Variants in USP35 observed in about 807,000 individuals in gnomAD.
USP35 encodes ubiquitin carboxyl-terminal hydrolase 35.
In USP35, 69 loss-of-function variants were observed where a neutral mutation model predicts 83.8. That is an observed-to-expected ratio of 0.82 (90% CI 0.68 to 1.01). USP35 has a LOEUF of 1.01. USP35 is among the 50% of genes least tolerant of loss of function. The probability of loss-of-function intolerance (pLI) is 0.00; values close to 1 mark genes in which losing one functional copy is unlikely to be tolerated. For synonymous variants in USP35, 714 were observed against 589.5 expected (o/e 1.21, Z -3.06); for missense variants, 1,503 against 1,362.5 (o/e 1.10, Z -1.62).
intron 1 of USP35, among the ~76,000 whole-genome samples, chr11:78,189,746 G>C: frequency 6.6e-6 from 1 of 152,188 alleles, no homozygotes; most frequent in Admixed American, 6.5e-5. Flanking sequence ...AGGAATAGCT[G>C]CTCCTGCTTT....
At chr11:78,228,688 A>G in the USP35 span, among the ~76,000 whole-genome samples, 1 of 152,138 alleles carries the variant, frequency 6.6e-6, no homozygotes, top group South Asian at 2.1e-4. Flanking sequence ...TCAGTCTCCA[A>G]ACCTTCACTG....
the USP35 span, among the ~76,000 whole-genome samples, chr11:78,232,155 G>C: frequency 3.0e-4 from 45 of 152,234 alleles, no homozygotes; most frequent in Non-Finnish European, 5.0e-4. Flanking sequence ...TCTGGTGAAT[G>C]AGTCAGGGAA....
chr11:78,208,805 C>T lies in USP35; in HGVS notation c.1486-52C>T, dbSNP rs1367332564. ...TCAGGCCTAACCTGTGCAGAGCTGGCTGGTGAGTGGCCTCCTGCTCCTGAC... is the reference window on the plus strand; with the variant it reads ...TCAGGCCTAACCTGTGCAGAGCTGGTTGGTGAGTGGCCTCCTGCTCCTGAC... On this transcript the variant is annotated intron_variant, in intron 8 of 10. Transcript: ENST00000529308. The T allele has an allele frequency of 1.2e-5, 19 of 1,593,986 alleles. No homozygotes were observed. The Admixed American group carries it at 2.5e-4, about 21-fold the overall frequency.
chr11:78,210,125 G>A lies in USP35; in HGVS notation c.2270G>A (p.Gly757Asp), dbSNP rs141053427. The change falls in exon 10 of 11, where the codon GGC (glycine) becomes GAC (aspartate). Residue 757 changes from glycine (G) to aspartate (D), a missense_variant. Coordinates refer to ENST00000529308, the MANE Select transcript of USP35 (RefSeq NM_020798.4). ...PSGERTCGSEGSRSVLDLVNY... is the reference protein window; with the variant it reads ...PSGERTCGSEDSRSVLDLVNY... Reference sequence around the variant, plus strand: ...GGGGAGCGGACATGTGGCTCTGAGGGCTCCCGCTCCGTCCTGGACCTGGTT... The same window carrying A: ...GGGGAGCGGACATGTGGCTCTGAGGACTCCCGCTCCGTCCTGGACCTGGTT... 6.8e-6 allele frequency: 11 copies of A among 1,613,586 alleles called. No homozygotes were observed. The highest frequency in any genetic ancestry group is 8.5e-6 in the Non-Finnish European group (10 of 1,179,756).
chr11:78,225,128 C>T, the USP35 span: 5 of 1,612,288 alleles, frequency 3.1e-6, no homozygotes, highest in Non-Finnish European at 4.2e-6. Flanking sequence ...CCAACTCCAT[C>T]ACTCATGGAT....
At position 78,213,680 on chromosome 11, in the gene USP35, A is replaced by G; in HGVS notation, c.2924A>G (p.Tyr975Cys). 1 of 1,511,886 alleles carries G rather than the reference A, an allele frequency of 6.6e-7. No homozygotes were observed. The allele number at this position is 1,511,886 out of a possible 1,614,324, so 93.7% of individuals were successfully genotyped here. A position where few individuals can be genotyped will look rare whatever the true frequency, so the allele number is the denominator to read the frequency against. Residue 975 changes from tyrosine (Y) to cysteine (C), a missense_variant, in exon 11 of 11, where the codon TAC (tyrosine) becomes TGC (cysteine). Physicochemically the swap from Tyr to Cys is radical, Grantham distance 194. Coordinates refer to ENST00000529308, the MANE Select transcript of USP35 (RefSeq NM_020798.4). The part of the protein sequence containing the change: ...QEKEARSRAA[Y>C]ISALPTSPHW... ...AAGGAGGCCCGGAGCAGGGCGGCCT[A>G]CATCTCTGCACTCCCCACATCTCCG...
chr11:78,220,767 T>C, the USP35 span, among the ~76,000 whole-genome samples: 2 of 152,186 alleles, frequency 1.3e-5, no homozygotes, highest in African/African-American at 4.8e-5. Flanking sequence ...CTAACCCCTG[T>C]ACCACACTGC....
intron 2 of USP35, 107 bp downstream of exon 2, chr11:78,197,025 C>A: frequency 5.1e-6 from 7 of 1,367,890 alleles, no homozygotes; most frequent in Non-Finnish European, 6.6e-6. Flanking sequence ...CCGTGTGGCA[C>A]GAGTGTGCCA....
At chr11:78,219,182 G>T, downstream of USP35, 1 of 1,222,588 alleles carries the variant, frequency 8.2e-7, no homozygotes, top group Non-Finnish European at 1.2e-6. Flanking sequence ...AGAGGAGGTG[G>T]ATGGGAGGAA....
At chr11:78,213,100 C>T (rs901208242) in intron 10 of USP35, among the ~76,000 whole-genome samples, 1 of 152,202 alleles carries the variant, frequency 6.6e-6, no homozygotes, top group African/African-American at 2.4e-5. Flanking sequence ...GACCGGGTGT[C>T]ACCAACATCA....
rs1352474146 is a variant in USP35, at chr11:78,214,797, C to G, written c.*984C>G. 1.3e-5 allele frequency: 2 copies of G among 152,106 alleles called. No individual in the cohort carries two copies. The highest frequency in any genetic ancestry group is 2.9e-5 in the Non-Finnish European group (2 of 68,074). The allele number at this position is 152,106 out of a possible 1,614,324, so 9.4% of individuals were successfully genotyped here. On this transcript the variant is annotated 3_prime_UTR_variant, in exon 11 of 11. Coordinates refer to ENST00000529308, the MANE Select transcript of USP35 (RefSeq NM_020798.4). Reference sequence around the variant, plus strand: ...GGGAGGCCAGGACTCAGCCTGCCCCCCAGTGACGTGTGAGATGCCACAGGG... The same window carrying G: ...GGGAGGCCAGGACTCAGCCTGCCCCGCAGTGACGTGTGAGATGCCACAGGG...
the USP35 span, among the ~76,000 whole-genome samples, chr11:78,228,421 G>A: frequency 6.6e-6 from 1 of 152,182 alleles, no homozygotes; most frequent in Non-Finnish European, 1.5e-5. Context: ...CTCTTGGAGT[G>A]TCTCATCAGA....
intron 6 of USP35, among the ~76,000 whole-genome samples, chr11:78,202,023 C>T (rs563834537): frequency 2.0e-5 from 3 of 152,176 alleles, no homozygotes; most frequent in Non-Finnish European, 2.9e-5. Context: ...ACTTTAAGTA[C>T]ATAGCTAAGC....
rs770899373 is a variant in USP35, at chr11:78,196,287, G to A, written c.42G>A (p.Pro14=). Residue 14 remains proline, a synonymous_variant, in exon 2 of 11, where the codon CCG becomes CCA. Transcript: ENST00000529308. This position sits in a 1 kb window ranked among gnomAD's most constrained non-coding sequence, Gnocchi z 4.8. The part of the protein sequence containing the change: ...ILEAVVTSSY[P]VSVKQGLVRR... Reference sequence around the variant, plus strand: ...AGGCGGTGGTGACGTCGTCATACCCGGTCAGCGTGAAGCAGGGGCTGGTTC... The same window carrying A: ...AGGCGGTGGTGACGTCGTCATACCCAGTCAGCGTGAAGCAGGGGCTGGTTC... The A allele has an allele frequency of 5.6e-6, 9 of 1,595,144 alleles. No homozygotes were observed. Among genetic ancestry groups the A allele is most frequent in the South Asian group, 4.4e-5 (4 of 91,004 alleles).
chr11:78,210,444 C>T lies in USP35; in HGVS notation c.2589C>T (p.Tyr863=), dbSNP rs371543172. Residue 863 remains tyrosine, a synonymous_variant, in exon 10 of 11, where the codon TAC becomes TAT. Coordinates refer to ENST00000529308, the MANE Select transcript of USP35 (RefSeq NM_020798.4). ...GAGTGTCTTCGGAGAGTGGTCACTA[C>T]TACTGCTATGCCCGTGAGGGCGCTG... is the stretch of plus-strand genomic sequence containing the variant. ...HSGVSSESGH[Y]YCYAREGAAR... is the part of the protein sequence containing the mutation. 27 of 1,614,092 alleles carry T rather than the reference C, an allele frequency of 1.7e-5. No homozygotes were observed. The Admixed American group carries it at 3.7e-4, about 22-fold the overall frequency.
At chr11:78,203,957 C>T (rs1863450548) in intron 6 of USP35, among the ~76,000 whole-genome samples, 1 of 134,532 alleles carries the variant, frequency 7.4e-6, no homozygotes, top group Admixed American at 8.1e-5. Context: ...GTGGCGGGAT[C>T]TCGGCTCACT....
intron 5 of USP35, 85 bp downstream of exon 5, chr11:78,200,319 C>A: frequency 1.3e-6 from 2 of 1,484,242 alleles, no homozygotes; most frequent in Non-Finnish European, 9.3e-7. Flanking sequence ...TGGTAAGGGC[C>A]CTGCCTGCTG....
rs748027627 is a variant in USP35, at chr11:78,207,548, C to T, written c.1410C>T (p.Leu470=). The change falls in exon 8 of 11, where the codon CTC becomes CTT. Residue 470 remains leucine (L), a synonymous_variant. Transcript: ENST00000529308. The part of the protein sequence containing the change: ...FMASDFRHCV[L]RLTENNSQPL... ...TTTGAAGCTTCAGACATTGTGTGCT[C>T]CGCTTGACTGAGAACAACTCACAGC... 1.9e-6 allele frequency: 3 copies of T among 1,614,150 alleles called. No individual in the cohort carries two copies. The highest frequency in any genetic ancestry group is 2.2e-5 in the East Asian group (1 of 44,884).
At chr11:78,211,956 T>C (rs964704002) in intron 10 of USP35, among the ~76,000 whole-genome samples, 1 of 152,230 alleles carries the variant, frequency 6.6e-6, no homozygotes, top group African/African-American at 2.4e-5. Flanking sequence ...TGGATCCCAT[T>C]TGTCATTGTT....
Sources: gnomAD v4.1 joint callset for allele counts (sites outside exome capture counted in the v4.1 genomes callset) on GRCh38, gnomAD v4.1.1 for gene constraint, Gnocchi (gnomAD v3.1) non-coding constraint, MANE v1.5 for transcripts, NCBI Gene and HGNC (gene_info 2026-07-23, HGNC 2026-07-21) for gene names.